CNTNAP4: variants seen among roughly 807,000 people sequenced by gnomAD.
CNTNAP4 encodes contactin-associated protein-like 4.
In CNTNAP4, 98 loss-of-function variants were observed where a neutral mutation model predicts 148.4. The observed-to-expected ratio is 0.66, with a 90% CI of 0.56 to 0.78. CNTNAP4 has a LOEUF of 0.78. Ranked by LOEUF, CNTNAP4 falls within the 30% of genes least tolerant of loss-of-function variation. The probability of loss-of-function intolerance (pLI) is 0.00; values close to 1 mark genes in which losing one functional copy is unlikely to be tolerated. For synonymous variants in CNTNAP4, 730 were observed against 565.1 expected (o/e 1.29, Z -4.14); for missense variants, 1,935 against 1,565.6 (o/e 1.24, Z -3.98).
chr16:76,331,234 C>G (rs1339009141), intron 2 of CNTNAP4, among the ~76,000 whole-genome samples: 1 of 151,664 alleles, frequency 6.6e-6, no homozygotes, highest in Non-Finnish European at 1.5e-5. Context: ...GTTGCCCAGG[C>G]TGGAGTGCAG....
intron 8 of CNTNAP4, among the ~76,000 whole-genome samples, chr16:76,456,163 G>C (rs2080722861): frequency 6.6e-6 from 1 of 152,132 alleles, no homozygotes; most frequent in Admixed American, 6.5e-5. Flanking sequence ...CATATCTGGA[G>C]TTAAACAAGT....
intron 2 of CNTNAP4, among the ~76,000 whole-genome samples, chr16:76,330,237 C>A (rs967981544): frequency 6.6e-6 from 1 of 152,100 alleles, no homozygotes; most frequent in African/African-American, 2.4e-5. Flanking sequence ...TTTTATTTCT[C>A]CCTTGATCCC....
At chr16:76,403,886 T>A (rs979417607) in intron 3 of CNTNAP4, among the ~76,000 whole-genome samples, 1 of 152,208 alleles carries the variant, frequency 6.6e-6, no homozygotes, top group Non-Finnish European at 1.5e-5. Context: ...AATGAGATCA[T>A]GTCTTTTATG....
At chr16:76,451,634 T>TGTGTGTGTGTGTG in intron 7 of CNTNAP4, among the ~76,000 whole-genome samples, 1 of 151,598 alleles carries the variant, frequency 6.6e-6, no homozygotes, top group Non-Finnish European at 1.5e-5. Flanking sequence ...TGTGTGTGTG[T>TGTGTGTGTGTGTG]ATTTTATCCA....
rs546776360 is a variant in CNTNAP4, at chr16:76,532,060, A to G, written c.2756-3485A>G. 3.5e-4 allele frequency among the ~76,000 whole-genome samples: 54 copies of G among 152,278 alleles called. No homozygotes were observed. In the East Asian group the frequency reaches 9.8e-3, roughly 28 times the overall value. Reference sequence around the variant, plus strand: ...GTATTTATTTTTATTATCTTGTAGTAATCTTGTGTTTCCCCATCTAAATTT... The same window carrying G: ...GTATTTATTTTTATTATCTTGTAGTGATCTTGTGTTTCCCCATCTAAATTT... On this transcript the variant is annotated intron_variant, in intron 17 of 23. Coordinates refer to ENST00000611870, the MANE Select transcript of CNTNAP4 (RefSeq NM_033401.5).
intron 14 of CNTNAP4, among the ~76,000 whole-genome samples, chr16:76,497,172 AAAATT>A (rs1242503598): frequency 1.3e-5 from 2 of 152,210 alleles, no homozygotes; most frequent in African/African-American, 4.8e-5. Flanking sequence ...TCTTAATTAA[AAAATT>A]AAATTCACTG....
intron 2 of CNTNAP4, among the ~76,000 whole-genome samples, chr16:76,322,692 A>G (rs1001635788): frequency 1.3e-5 from 2 of 152,192 alleles, no homozygotes; most frequent in African/African-American, 4.8e-5. Flanking sequence ...CATTTTAACC[A>G]GTTTCAAAGT....
At chr16:76,443,103 C>A (rs944646649) in intron 4 of CNTNAP4, among the ~76,000 whole-genome samples, 6 of 151,896 alleles carry the variant, frequency 4.0e-5, no homozygotes, top group African/African-American at 1.5e-4. Context: ...TCGATAATAA[C>A]CCAATCATTT....
chr16:76,520,224 C>G (rs2083403453), intron 15 of CNTNAP4, among the ~76,000 whole-genome samples: 1 of 152,152 alleles, frequency 6.6e-6, no homozygotes. Context: ...CCTCCTGTAT[C>G]CAGTCGGATT....
intron 1 of CNTNAP4, among the ~76,000 whole-genome samples, chr16:76,306,143 T>C (rs544028312): frequency 1.0e-3 from 152 of 152,316 alleles, no homozygotes; most frequent in Non-Finnish European, 1.8e-3. Flanking sequence ...GTCTTTTTGG[T>C]ATAAAGGTCT....
At chr16:76,345,572 G>C (rs1222932184) in intron 2 of CNTNAP4, among the ~76,000 whole-genome samples, 1 of 152,166 alleles carries the variant, frequency 6.6e-6, no homozygotes, top group African/African-American at 2.4e-5. Context: ...GGGGATGCGG[G>C]GGGGATTTGG....
rs2080350027 is a variant in CNTNAP4 at position 76,448,867 on chromosome 16, C to T, written c.843C>T (p.Gly281=). 6.2e-7 allele frequency: 1 copy of T among 1,613,482 alleles called. No homozygotes were observed. Among genetic ancestry groups the T allele is most frequent in the African/African-American group, 1.3e-5 (1 of 74,888 alleles). The change falls in exon 6 of 24, where the codon GGC becomes GGT. Residue 281 remains glycine (G), a synonymous_variant. Transcript: ENST00000611870. ...ATTCAGTGCTCATCCAGCGTTTGGG[C>T]AAACAAGTCAACTTCACAGTGGACG... ...HWHSVLIQRL[G]KQVNFTVDEH...
intron 2 of CNTNAP4, among the ~76,000 whole-genome samples, chr16:76,325,519 A>G (rs1055858521): frequency 2.6e-5 from 4 of 152,204 alleles, no homozygotes; most frequent in Non-Finnish European, 5.9e-5. Flanking sequence ...GAAAAGCCAG[A>G]AAGGCGTGGA....
intron 8 of CNTNAP4, among the ~76,000 whole-genome samples, chr16:76,457,029 C>G (rs1287045821): frequency 2.0e-5 from 3 of 152,150 alleles, no homozygotes; most frequent in Non-Finnish European, 4.4e-5. Flanking sequence ...ATTATTATGA[C>G]AACATGTTCC....
chr16:76,515,119 G>C (rs979905375), intron 15 of CNTNAP4, among the ~76,000 whole-genome samples: 1 of 152,080 alleles, frequency 6.6e-6, no homozygotes, highest in African/African-American at 2.4e-5. Context: ...ATTTTACTTT[G>C]TGAAAGCTTG....
intron 23 of CNTNAP4, among the ~76,000 whole-genome samples, chr16:76,554,587 T>A (rs2085111556): frequency 6.6e-6 from 1 of 152,104 alleles, no homozygotes; most frequent in Non-Finnish European, 1.5e-5. Flanking sequence ...CAAGCTTTTT[T>A]TCTTCTTGAT....
At chr16:76,328,667 TG>T (rs576812688) in intron 2 of CNTNAP4, among the ~76,000 whole-genome samples, 163 of 152,126 alleles carry the variant, frequency 1.1e-3, no homozygotes, top group Admixed American at 2.8e-3. Context: ...TTTTTTGAGA[TG>T]GAGGTTTGCT....
chr16:76,311,893 C>T (rs374714981), intron 1 of CNTNAP4, among the ~76,000 whole-genome samples: 31 of 152,152 alleles, frequency 2.0e-4, no homozygotes, highest in East Asian at 1.2e-3. Context: ...TCTGATATAG[C>T]ACTTAATTTT....
intron 8 of CNTNAP4, among the ~76,000 whole-genome samples, chr16:76,460,414 C>G (rs1189381435): frequency 6.6e-6 from 1 of 150,984 alleles, no homozygotes; most frequent in Non-Finnish European, 1.5e-5. Context: ...TGGCCAAAAA[C>G]TACTATTTCT....
Sources: gnomAD v4.1 joint callset for allele counts (sites outside exome capture counted in the v4.1 genomes callset) on GRCh38, gnomAD v4.1.1 for gene constraint, MANE v1.5 for transcripts, NCBI Gene and HGNC (gene_info 2026-07-23, HGNC 2026-07-21) for gene names.